CABIN1: variants seen among roughly 807,000 people sequenced by gnomAD.
CABIN1 encodes calcineurin binding protein 1.
CABIN1 carries 133 observed loss-of-function variants against 227.7 expected under a neutral mutation model. The observed-to-expected ratio is 0.58, with a 90% CI of 0.51 to 0.67. CABIN1 has a LOEUF of 0.67. CABIN1 is among the 30% of genes least tolerant of loss of function. The pLI, the probability that CABIN1 is intolerant of heterozygous loss-of-function variation, is 0.00. For missense variants in CABIN1, 2,408 were observed against 2,852.5 expected, an observed-to-expected ratio of 0.84 and a Z score of 3.55; for synonymous variants, 1,086 against 1,155.1, an observed-to-expected ratio of 0.94 and a Z score of 1.21.
At chr22:24,060,365 T>A (rs923094362) in intron 12 of CABIN1, among the ~76,000 whole-genome samples, 3 of 152,116 alleles carry the variant, frequency 2.0e-5, no homozygotes, top group Non-Finnish European at 4.4e-5. Context: ...GAGAGTGGGC[T>A]CACGGGGCTA....
At chr22:24,021,184 T>C (rs1443662739) in intron 1 of CABIN1, among the ~76,000 whole-genome samples, 1 of 151,658 alleles carries the variant, frequency 6.6e-6, no homozygotes, top group Non-Finnish European at 1.5e-5. Flanking sequence ...TTTATTTATT[T>C]ATTTATTTAT....
At chr22:24,129,082 C>T (rs1435731120) in intron 28 of CABIN1, among the ~76,000 whole-genome samples, 1 of 152,190 alleles carries the variant, frequency 6.6e-6, no homozygotes, top group East Asian at 1.9e-4. Context: ...CACCTGGGAT[C>T]AGGTCTGCCT....
chr22:24,130,510 C>G (rs1026464918), intron 28 of CABIN1, among the ~76,000 whole-genome samples: 10 of 152,122 alleles, frequency 6.6e-5, no homozygotes, highest in African/African-American at 1.9e-4. Flanking sequence ...GCACTGTGCT[C>G]AACCCAGGAG....
intron 11 of CABIN1, 48 bp downstream of exon 11, chr22:24,059,411 A>G (rs947883673): frequency 1.1e-5 from 17 of 1,606,436 alleles, no homozygotes; most frequent in Non-Finnish European, 1.4e-5. Flanking sequence ...TCTTCTTCCC[A>G]CTATCCTATA....
chr22:24,142,037 C>A (rs2044796998), intron 29 of CABIN1, among the ~76,000 whole-genome samples: 1 of 152,116 alleles, frequency 6.6e-6, no homozygotes, highest in Non-Finnish European at 1.5e-5. Flanking sequence ...CTGTCCTTCT[C>A]AGCAAGAATC....
chr22:24,098,676 TG>T (rs978705997), intron 26 of CABIN1, among the ~76,000 whole-genome samples: 2 of 152,060 alleles, frequency 1.3e-5, no homozygotes, highest in African/African-American at 4.8e-5. Flanking sequence ...AAGTTGTTAA[TG>T]GGGGTCACCT....
rs548257430 is a variant in CABIN1 at position 24,087,680 on chromosome 22, G to A, written c.3492G>A (p.Trp1164Ter). ...HSFASRQLKQ[W>*]RGELPPELVQ... ...TCGCCTCACGTCAATTGAAGCAGTGGAGAGGCGAGCTGCCCCCTGAGCTCG... is the reference window on the plus strand; with the variant it reads ...TCGCCTCACGTCAATTGAAGCAGTGAAGAGGCGAGCTGCCCCCTGAGCTCG... Residue 1164 changes from tryptophan (W) to a stop codon, truncating the protein, a stop_gained, in exon 23 of 37, where the codon TGG becomes TGA. Transcript: ENST00000263119. LOFTEE classifies it high-confidence loss of function. 6.8e-6 allele frequency: 11 copies of A among 1,614,114 alleles called. No homozygotes were observed. In the South Asian group the frequency reaches 8.8e-5, roughly 13 times the overall value.
In CABIN1 at chr22:24,091,644, G is replaced by A. The variant is rs752877361; in HGVS notation, c.3587G>A (p.Arg1196His). The change falls in exon 24 of 37, where the codon CGC (arginine) becomes CAC (histidine). Residue 1196 changes from arginine (R) to histidine (H), a missense_variant. Coordinates refer to ENST00000263119, the MANE Select transcript of CABIN1 (RefSeq NM_012295.4). ...AAGCACTGTTTCACATCAGCAGCCC[G>A]CTGCGAGGGTGATGGTGACGAGGAG... ...TAKHCFTSAA[R>H]CEGDGDEEEW... The A allele has an allele frequency of 8.7e-6, 14 of 1,614,242 alleles. No individual in the cohort carries two copies. Among genetic ancestry groups the A allele is most frequent in the East Asian group, 4.5e-5 (2 of 44,890 alleles).
intron 6 of CABIN1, among the ~76,000 whole-genome samples, chr22:24,046,532 T>TC (rs1219364719): frequency 6.6e-6 from 1 of 152,168 alleles, no homozygotes; most frequent in Non-Finnish European, 1.5e-5. Flanking sequence ...TCAACTGACT[T>TC]CTTTAGTTCT....
In CABIN1 at chr22:24,011,365, C is replaced by T. The variant is rs1232026932; in HGVS notation, c.-77C>T. The T allele has an allele frequency of 6.5e-6, 1 of 152,932 alleles. No individual in the cohort carries two copies. The highest frequency in any genetic ancestry group is 1.5e-5 in the Non-Finnish European group (1 of 68,654). 9.5% of individuals were successfully genotyped at this position (152,932 alleles called of 1,614,324 possible). On this transcript the variant is annotated splice_region_variant and 5_prime_UTR_variant, in exon 1 of 37. Coordinates refer to ENST00000263119, the MANE Select transcript of CABIN1 (RefSeq NM_012295.4). ...AGACTGGCCGTTGCTGTGGAGACGC[C>T]TGGTGAGTTCCTGGAAGGCTGGTTT...
intron 20 of CABIN1, 128 bp downstream of exon 20, chr22:24,083,517 A>G (rs1211053414): frequency 1.0e-6 from 1 of 988,518 alleles, no homozygotes; most frequent in African/African-American, 1.6e-5. Flanking sequence ...AGGAGAGAAG[A>G]CGGTCTGATG....
At chr22:24,037,091 C>T (rs899386893) in intron 3 of CABIN1, among the ~76,000 whole-genome samples, 1 of 152,014 alleles carries the variant, frequency 6.6e-6, no homozygotes, top group African/African-American at 2.4e-5. Context: ...GAAACCCCGT[C>T]TCTACTCAAA....
At chr22:24,127,280 C>T (rs1488145761) in intron 28 of CABIN1, among the ~76,000 whole-genome samples, 4 of 152,216 alleles carry the variant, frequency 2.6e-5, no homozygotes, top group South Asian at 2.1e-4. Context: ...GCCGCGGTGC[C>T]TGTCGGGGCT....
At chr22:24,062,823 G>C in intron 13 of CABIN1, 136 bp from the exon 14 acceptor site, 1 of 829,194 alleles carries the variant, frequency 1.2e-6, no homozygotes, top group Non-Finnish European at 2.1e-6. Context: ...CACTCAGGGA[G>C]CTGTAGGGCT....
chr22:24,146,746 C>T (rs750576492), intron 29 of CABIN1, among the ~76,000 whole-genome samples: 4 of 152,252 alleles, frequency 2.6e-5, no homozygotes, highest in African/African-American at 4.8e-5. Flanking sequence ...TCTGGCTATC[C>T]GGAGACAGTT....
intron 34 of CABIN1, among the ~76,000 whole-genome samples, chr22:24,173,573 C>T (rs1322470350): frequency 1.3e-5 from 2 of 152,180 alleles, no homozygotes; most frequent in African/African-American, 4.8e-5. Context: ...CGGTGGCTCA[C>T]GCCTGTAATC....
At chr22:24,147,279 CCCTCCCTCCCTGCCTCCCTGCCTCTCTG>C (rs2045185869) in intron 29 of CABIN1, among the ~76,000 whole-genome samples, 1 of 107,848 alleles carries the variant, frequency 9.3e-6, no homozygotes, top group Non-Finnish European at 1.9e-5. Flanking sequence ...CTGCCTCCCT[CCCTCCCTCCCTGCCTCCCTGCCTCTCTG>C]CCTCCCTCCC....
intron 1 of CABIN1, among the ~76,000 whole-genome samples, chr22:24,032,564 C>T (rs2036570995): frequency 6.6e-6 from 1 of 152,140 alleles, no homozygotes; most frequent in African/African-American, 2.4e-5. Context: ...ACTGCCATAC[C>T]TTTTTCCATA....
chr22:24,116,619 A>G (rs2043103438), intron 27 of CABIN1, among the ~76,000 whole-genome samples: 1 of 152,242 alleles, frequency 6.6e-6, no homozygotes, highest in Non-Finnish European at 1.5e-5. Context: ...CTCAGAAGTC[A>G]AAAGAGACAG....
Sources: gnomAD v4.1 joint callset for allele counts (sites outside exome capture counted in the v4.1 genomes callset) on GRCh38, gnomAD v4.1.1 for gene constraint, MANE v1.5 for transcripts, NCBI Gene and HGNC (gene_info 2026-07-23, HGNC 2026-07-21) for gene names.